Variants in PHC3 observed in about 807,000 individuals in gnomAD.
PHC3 encodes the protein polyhomeotic-like protein 3.
PHC3 carries 13 observed loss-of-function variants against 107.4 expected under a neutral mutation model. The ratio of observed to expected loss-of-function variants is 0.12; its 90% CI spans 0.08 to 0.19. PHC3 has a LOEUF of 0.19. PHC3 is among the 10% of genes least tolerant of loss of function. The pLI is 1.00. For missense variants in PHC3, 992 were observed against 1,210.9 expected (o/e 0.82, Z 2.68); for synonymous variants, 456 against 427.4 (o/e 1.07, Z -0.83).
chr3:170,097,234 G>A lies in PHC3; in HGVS notation c.2984C>T (p.Ser995Phe). 3 of 1,599,108 alleles carry A rather than the reference G, an allele frequency of 1.9e-6. No individual in the cohort carries two copies. The highest frequency in any genetic ancestry group is 2.6e-6 in the Non-Finnish European group (3 of 1,170,298). ...TATCAAGGCTTCATGTTCCTGTTAA[G>A]ATTCCTTCAGAGAGTTGATGCGTGC... ...ICARINSLKES is the reference protein window; with the variant it reads ...ICARINSLKEF Residue 995 changes from serine to phenylalanine, a missense_variant, in exon 15 of 15, where the codon TCT (serine) becomes TTT (phenylalanine). Physicochemically the swap from Ser to Phe is radical, Grantham distance 155. Coordinates refer to ENST00000495893, the MANE Select transcript of PHC3 (RefSeq NM_024947.4). This position sits in a 1 kb window ranked among gnomAD's most constrained non-coding sequence, Gnocchi z 4.1.
At chr3:170,148,877 A>G (rs1480299794) in intron 5 of PHC3, 7 of 475,776 alleles carry the variant, frequency 1.5e-5, no homozygotes, top group South Asian at 3.8e-5. Context: ...CAATGTAATA[A>G]TTACTATTTG....
At chr3:170,118,808 G>A (rs560645695) in intron 9 of PHC3, among the ~76,000 whole-genome samples, 7 of 151,944 alleles carry the variant, frequency 4.6e-5, no homozygotes, top group African/African-American at 1.7e-4. Context: ...TGATCCTCCT[G>A]CCTCAGCCTC....
chr3:170,102,948 GA>G lies in PHC3; in HGVS notation c.2469-15del. 1 of 1,598,448 alleles carries G rather than the reference GA, an allele frequency of 6.3e-7. No individual in the cohort carries two copies. ...CTAACATTGTACCTAAGAAATTCAA[GA>G]AAGAAAAAATATTTAATGATATATG... On this transcript the variant is annotated splice_polypyrimidine_tract_variant and intron_variant, in intron 12 of 14. Coordinates refer to ENST00000495893, the MANE Select transcript of PHC3 (RefSeq NM_024947.4).
chr3:170,157,507 A>G (rs1021330531), intron 4 of PHC3, among the ~76,000 whole-genome samples: 2 of 152,154 alleles, frequency 1.3e-5, no homozygotes, highest in Non-Finnish European at 2.9e-5. Context: ...TTTATCTCAC[A>G]CTAGTATTAG....
chr3:170,149,788 A>C (rs543282115), intron 4 of PHC3: 1 of 152,212 alleles, frequency 6.6e-6, no homozygotes. Flanking sequence ...ACGTGTTTCA[A>C]TAAGATTTCT....
In PHC3 at chr3:170,129,008, G is replaced by A. The variant is rs1381748641; in HGVS notation, c.1464C>T (p.Ser488=). 1 of 1,613,538 alleles carries A rather than the reference G, an allele frequency of 6.2e-7. No individual in the cohort carries two copies. Among genetic ancestry groups the A allele is most frequent in the Admixed American group, 1.7e-5 (1 of 59,926 alleles). ...IGPVQQSALV[S]PGQQIVSPSH... ...ATGGAGAGACAATCTGCTGGCCTGGGGATACCAAGGCAGACTGCTGAACTG... is the reference window on the plus strand; with the variant it reads ...ATGGAGAGACAATCTGCTGGCCTGGAGATACCAAGGCAGACTGCTGAACTG... The change falls in exon 8 of 15, where the codon TCC becomes TCT. Residue 488 remains serine (S), a synonymous_variant. Transcript: ENST00000495893.
Position 170,097,326 on chromosome 3 carries a change from G to C in PHC3, c.2892C>G (p.Leu964=). Residue 964 remains leucine (L), a synonymous_variant, in exon 15 of 15, where the codon CTC becomes CTG. Transcript: ENST00000495893. This position sits in a 1 kb window ranked among gnomAD's most constrained non-coding sequence, Gnocchi z 4.1. ...TCATGAGATGGTCTTCTTTCAGCAA[G>C]AGAAGGGCCTGTCCATCAATCTCCT... ...RAQEIDGQAL[L]LLKEDHLMSA... 1 of 1,613,616 alleles carries C rather than the reference G, an allele frequency of 6.2e-7. No homozygotes were observed. The highest frequency in any genetic ancestry group is 8.5e-7 in the Non-Finnish European group (1 of 1,179,644).
At position 170,128,270 on chromosome 3, in the gene PHC3, G is replaced by T. The variant is rs1034942201; in HGVS notation, c.1788+414C>A. The T allele has an allele frequency of 3.6e-5, 35 of 971,306 alleles. 1 individual carries two copies. The South Asian group carries it at 3.9e-4, about 11-fold the overall frequency. The allele number at this position is 971,306 out of a possible 1,614,324, so 60.2% of individuals were successfully genotyped here. Reference sequence around the variant, plus strand: ...CTCTAGGATGCATAAAACTAAAAGGGTTAGGCTAGATAAACCATACGTTTT... The same window carrying T: ...CTCTAGGATGCATAAAACTAAAAGGTTTAGGCTAGATAAACCATACGTTTT... On this transcript the variant is annotated intron_variant, in intron 8 of 14. Coordinates refer to ENST00000495893, the MANE Select transcript of PHC3 (RefSeq NM_024947.4).
chr3:170,181,633 T>C, intron 1 of PHC3, 69 bp downstream of exon 1: 1 of 1,609,510 alleles, frequency 6.2e-7, no homozygotes, highest in Non-Finnish European at 8.5e-7. Flanking sequence ...AGCTTTCCCC[T>C]GGGGGAACGT....
chr3:170,134,975 T>C (rs973034339), intron 7 of PHC3, among the ~76,000 whole-genome samples: 1 of 152,180 alleles, frequency 6.6e-6, no homozygotes, highest in East Asian at 1.9e-4. Context: ...ATGTAGAGAA[T>C]GCTGGCAGTA....
At position 170,129,496 on chromosome 3, in the gene PHC3, G is replaced by A. The variant is rs1426838315; in HGVS notation, c.976C>T (p.His326Tyr). The A allele has an allele frequency of 6.2e-7, 1 of 1,613,780 alleles. No individual in the cohort carries two copies. The highest frequency in any genetic ancestry group is 8.5e-7 in the Non-Finnish European group (1 of 1,179,746). Reference protein sequence around the residue: ...SLIKHQQIPLHSPPSKVSHHQ... With the variant: ...SLIKHQQIPLYSPPSKVSHHQ... ...TGGGAAACTTTGGAAGGTGGTGAAT[G>A]AAGAGGAATCTGCTGATGTTTTATT... is the stretch of plus-strand genomic sequence containing the variant. The change falls in exon 8 of 15, where the codon CAT (histidine) becomes TAT (tyrosine). Residue 326 changes from histidine to tyrosine, a missense_variant. His to Tyr is a moderately conservative substitution (Grantham distance 83). Transcript: ENST00000495893.
intron 7 of PHC3, among the ~76,000 whole-genome samples, chr3:170,135,953 G>A (rs1184205069): frequency 6.6e-6 from 1 of 151,988 alleles, no homozygotes; most frequent in Non-Finnish European, 1.5e-5. Context: ...TCCTCTCAGA[G>A]ATGAAATCAA....
chr3:170,131,802 A>G (rs529636005), intron 7 of PHC3, among the ~76,000 whole-genome samples: 38 of 152,110 alleles, frequency 2.5e-4, no homozygotes, highest in Non-Finnish European at 4.9e-4. Flanking sequence ...GTGCCATTGC[A>G]CTCCAGCCTG....
chr3:170,140,369 T>G (rs947055244), intron 6 of PHC3, among the ~76,000 whole-genome samples: 28 of 151,722 alleles, frequency 1.8e-4, no homozygotes, highest in Non-Finnish European at 3.7e-4. Flanking sequence ...TTCTCCTGCC[T>G]CAGCCTCCTG....
chr3:170,138,748 A>T (rs1723563842), intron 6 of PHC3, among the ~76,000 whole-genome samples: 1 of 151,608 alleles, frequency 6.6e-6, no homozygotes, highest in Non-Finnish European at 1.5e-5. Context: ...GATTTCTCAG[A>T]TTGCCACTCA....
intron 4 of PHC3, chr3:170,150,670 G>A (rs1427796191): frequency 4.1e-5 from 15 of 362,854 alleles, no homozygotes; most frequent in Non-Finnish European, 6.5e-5. Flanking sequence ...CCGAGATTGC[G>A]CCACTGCACT....
chr3:170,150,932 G>T (rs76146702), intron 4 of PHC3, among the ~76,000 whole-genome samples: 16,937 of 151,732 alleles, frequency 0.11, 1,018 homozygotes, highest in Middle Eastern at 0.16. Flanking sequence ...AATATTTTTG[G>T]CCGGGTGAGG....
intron 10 of PHC3, among the ~76,000 whole-genome samples, chr3:170,115,012 T>A (rs1439537050): frequency 6.6e-6 from 1 of 152,052 alleles, no homozygotes; most frequent in Admixed American, 6.5e-5. Context: ...ATGAATAAAT[T>A]TAAATCATTT....
intron 14 of PHC3, 199 bp downstream of exon 14, chr3:170,102,280 G>A: frequency 1.0e-6 from 1 of 985,368 alleles, no homozygotes; most frequent in African/African-American, 1.7e-5. Context: ...ATCGACTTGG[G>A]GGGTATGAGA....
Sources: gnomAD v4.1 joint callset for allele counts (sites outside exome capture counted in the v4.1 genomes callset) on GRCh38, gnomAD v4.1.1 for gene constraint, Gnocchi (gnomAD v3.1) non-coding constraint, MANE v1.5 for transcripts, NCBI Gene and HGNC (gene_info 2026-07-23, HGNC 2026-07-21) for gene names.